Variants in NDST3 observed in about 807,000 individuals in gnomAD.
The protein encoded by NDST3 is bifunctional heparan sulfate N-deacetylase/N-sulfotransferase 3.
NDST3 carries 58 observed loss-of-function variants against 96.1 expected under a neutral mutation model. The ratio of observed to expected loss-of-function variants is 0.60; its 90% CI spans 0.49 to 0.75. The LOEUF (loss-of-function observed/expected upper bound fraction) is 0.75, where lower values mean the gene tolerates loss of function less well. Among genes scored for constraint, NDST3 ranks in the 30% least tolerant of loss-of-function variants. The probability of loss-of-function intolerance (pLI) is 0.00; values close to 1 mark genes in which losing one functional copy is unlikely to be tolerated. For synonymous variants in NDST3, 333 were observed against 359.7 expected (o/e 0.93, Z 0.84); for missense variants, 788 against 1,034.2 (o/e 0.76, Z 3.27).
rs1465152870 is a variant in NDST3 at position 118,257,681 on chromosome 4, T to A, written c.*1969T>A. 6.6e-6 allele frequency: 1 copy of A among 152,216 alleles called. No individual in the cohort carries two copies. Among genetic ancestry groups the A allele is most frequent in the Non-Finnish European group, 1.5e-5 (1 of 68,034 alleles). 9.4% of individuals were successfully genotyped at this position (152,216 alleles called of 1,614,324 possible). A position where few individuals can be genotyped will look rare whatever the true frequency, so the allele number is the denominator to read the frequency against. On this transcript the variant is annotated 3_prime_UTR_variant, in exon 14 of 14. Coordinates refer to ENST00000296499, the MANE Select transcript of NDST3 (RefSeq NM_004784.3). The stretch of plus-strand genomic sequence containing the variant: ...TAACTGTACATTATAATTACTTTTT[T>A]AAAGTTTCATGTACCTAAAGCATAT...
chr4:118,253,103 T>C (rs13103629), intron 12 of NDST3, among the ~76,000 whole-genome samples: 6,642 of 152,256 alleles, frequency 0.044, 219 homozygotes, highest in Non-Finnish European at 0.069. Flanking sequence ...TCCATAGACA[T>C]GGAAGAAGGC....
At chr4:118,106,054 G>A (rs535472445) in intron 3 of NDST3, among the ~76,000 whole-genome samples, 1 of 152,246 alleles carries the variant, frequency 6.6e-6, no homozygotes, top group African/African-American at 2.4e-5. Flanking sequence ...TTTCTCTGAA[G>A]AGCAGTAAAT....
chr4:118,241,158 C>A (rs1740980591), intron 11 of NDST3, among the ~76,000 whole-genome samples: 1 of 152,162 alleles, frequency 6.6e-6, no homozygotes, highest in Non-Finnish European at 1.5e-5. Context: ...ATCATGTAAG[C>A]AATCCAGACA....
At chr4:118,107,679 T>C (rs915067541) in intron 3 of NDST3, among the ~76,000 whole-genome samples, 3 of 152,136 alleles carry the variant, frequency 2.0e-5, no homozygotes, top group African/African-American at 4.8e-5. Context: ...CTCTTGTAGC[T>C]TAGAAAACTC....
intron 1 of NDST3, among the ~76,000 whole-genome samples, chr4:118,040,905 A>T (rs1009672582): frequency 1.4e-5 from 2 of 145,856 alleles, no homozygotes; most frequent in African/African-American, 5.0e-5. Flanking sequence ...ATATTTATAT[A>T]TATATAAAAT....
rs1344607590 is a variant in NDST3 at position 118,053,850 on chromosome 4, ATCTTT to A, written c.-54_-50del. The stretch of plus-strand genomic sequence containing the variant: ...AGATTGGAAAAGTAGCTGGAACACC[ATCTTT>A]TCTTTTAACTTTTTATGGTGCTTCT... On this transcript the variant is annotated 5_prime_UTR_variant, in exon 2 of 14. Transcript: ENST00000296499. The A allele has an allele frequency of 7.3e-6, 11 of 1,510,726 alleles. No individual in the cohort carries two copies. The African/African-American group carries it at 1.4e-4, about 19-fold the overall frequency. The allele number at this position is 1,510,726 out of a possible 1,614,324, so 93.6% of individuals were successfully genotyped here.
At chr4:118,120,803 C>T (rs1280930777) in intron 4 of NDST3, among the ~76,000 whole-genome samples, 1 of 152,288 alleles carries the variant, frequency 6.6e-6, no homozygotes, top group Non-Finnish European at 1.5e-5. Context: ...TCTAATTTGT[C>T]GTTCTTATAT....
chr4:118,071,787 C>T (rs557055556), intron 2 of NDST3, among the ~76,000 whole-genome samples: 84 of 152,042 alleles, frequency 5.5e-4, no homozygotes, highest in South Asian at 1.0e-3. Context: ...TCCAATAATA[C>T]GGTTGCAATG....
At chr4:118,113,289 T>C (rs1730793458) in intron 3 of NDST3, among the ~76,000 whole-genome samples, 1 of 152,206 alleles carries the variant, frequency 6.6e-6, no homozygotes, top group Non-Finnish European at 1.5e-5. Context: ...AATGGTAACA[T>C]AAGTGTATAT....
chr4:118,190,569 T>C (rs923588603), intron 6 of NDST3, among the ~76,000 whole-genome samples: 1 of 152,204 alleles, frequency 6.6e-6, no homozygotes, highest in Non-Finnish European at 1.5e-5. Context: ...GGGTAGGGCC[T>C]GTCTGAGTCC....
At chr4:118,172,091 G>A (rs764986151) in intron 6 of NDST3, among the ~76,000 whole-genome samples, 2 of 152,044 alleles carry the variant, frequency 1.3e-5, no homozygotes, top group Non-Finnish European at 2.9e-5. Context: ...AAGTATTATC[G>A]GGCCATCTCA....
chr4:118,170,161 C>T (rs941074113), intron 6 of NDST3, among the ~76,000 whole-genome samples: 1 of 152,078 alleles, frequency 6.6e-6, no homozygotes, highest in African/African-American at 2.4e-5. Flanking sequence ...TGACAACATT[C>T]TGGAAGAAAG....
At chr4:118,182,058 A>T (rs1298013164) in intron 6 of NDST3, among the ~76,000 whole-genome samples, 1 of 152,120 alleles carries the variant, frequency 6.6e-6, no homozygotes, top group Non-Finnish European at 1.5e-5. Context: ...AAAGAGAAAA[A>T]GATTCAGACA....
chr4:118,219,582 C>T (rs2125991486), intron 6 of NDST3, among the ~76,000 whole-genome samples: 1 of 152,098 alleles, frequency 6.6e-6, no homozygotes, highest in East Asian at 1.9e-4. Flanking sequence ...CCATAAAAAC[C>T]CTAGAAGAAA....
intron 2 of NDST3, among the ~76,000 whole-genome samples, chr4:118,058,938 C>A (rs1026328926): frequency 6.6e-6 from 1 of 152,036 alleles, no homozygotes; most frequent in African/African-American, 2.4e-5. Context: ...TTTCATATAA[C>A]ATTTATCTCC....
At chr4:118,200,972 G>T (rs1036556076) in intron 6 of NDST3, among the ~76,000 whole-genome samples, 2 of 152,002 alleles carry the variant, frequency 1.3e-5, no homozygotes, top group African/African-American at 4.8e-5. Flanking sequence ...AGTGTCTATC[G>T]TTCTAATATT....
intron 8 of NDST3, among the ~76,000 whole-genome samples, chr4:118,232,387 T>C (rs1225989128): frequency 6.6e-6 from 1 of 151,996 alleles, no homozygotes; most frequent in Non-Finnish European, 1.5e-5. Context: ...CCCAGCACTT[T>C]AGGGGGCCAA....
intron 2 of NDST3, among the ~76,000 whole-genome samples, chr4:118,074,383 C>G (rs1159865109): frequency 6.6e-6 from 1 of 152,078 alleles, no homozygotes; most frequent in Non-Finnish European, 1.5e-5. Context: ...TTATCTAGAT[C>G]CCTCCATAGA....
intron 6 of NDST3, among the ~76,000 whole-genome samples, chr4:118,158,862 T>C (rs1560686376): frequency 2.0e-5 from 3 of 152,196 alleles, no homozygotes; most frequent in South Asian, 4.1e-4. Context: ...CTTCCTTCCA[T>C]AGAGTCATCA....
Sources: allele counts gnomAD v4.1 joint callset (sites outside exome capture counted in the v4.1 genomes callset), GRCh38; gene constraint gnomAD v4.1.1; transcripts MANE v1.5; gene names NCBI Gene and HGNC (gene_info 2026-07-23, HGNC 2026-07-21).